Variants in ZNF536 observed in about 807,000 individuals in gnomAD.
ZNF536 encodes the protein zinc finger protein 536.
Under a neutral mutation model 84.5 loss-of-function variants are expected in ZNF536, and 13 were observed. That is an observed-to-expected ratio of 0.15 (90% CI 0.10 to 0.24). ZNF536 has a LOEUF of 0.24. Ranked by LOEUF, ZNF536 falls within the 10% of genes least tolerant of loss-of-function variation. The probability of loss-of-function intolerance (pLI) is 1.00; values close to 1 mark genes in which losing one functional copy is unlikely to be tolerated. For synonymous variants in ZNF536, 811 were observed against 742.5 expected (o/e 1.09, Z -1.50); for missense variants, 1,536 against 1,747.5 (o/e 0.88, Z 2.16).
intron 1 of ZNF536, among the ~76,000 whole-genome samples, chr19:30,397,941 A>G (rs1399895116): frequency 6.6e-6 from 1 of 152,254 alleles, no homozygotes; most frequent in African/African-American, 2.4e-5. Context: ...AGGATGTTAG[A>G]AAGTACAAAC....
At chr19:30,296,866 AC>A (rs2046013241) in intron 2 of ZNF536, among the ~76,000 whole-genome samples, 1 of 152,082 alleles carries the variant, frequency 6.6e-6, no homozygotes, top group South Asian at 2.1e-4. Context: ...CATGGGAGCC[AC>A]CCTCTGTCAC....
intron 1 of ZNF536, among the ~76,000 whole-genome samples, chr19:30,573,970 C>T (rs1367401557): frequency 6.6e-6 from 1 of 152,152 alleles, no homozygotes; most frequent in East Asian, 1.9e-4. Flanking sequence ...TTCCAAAATC[C>T]CAGTTTTTGT....
At chr19:30,392,060 G>A (rs578036137) in intron 1 of ZNF536, among the ~76,000 whole-genome samples, 17 of 152,320 alleles carry the variant, frequency 1.1e-4, no homozygotes, top group African/African-American at 4.1e-4. Context: ...GTTCTCGGAT[G>A]TCCGGAGCTG....
intron 2 of ZNF536, among the ~76,000 whole-genome samples, chr19:30,501,009 G>A (rs929875003): frequency 4.6e-5 from 7 of 152,154 alleles, no homozygotes; most frequent in Non-Finnish European, 7.3e-5. Flanking sequence ...GAGCGAGAAG[G>A]TTTGACCTGT....
intron 2 of ZNF536, among the ~76,000 whole-genome samples, chr19:30,290,205 A>T (rs56682264): frequency 0.23 from 35,394 of 152,140 alleles, 5,024 homozygotes; most frequent in East Asian, 0.54. Context: ...TGACAGAATT[A>T]CCTTCCCTTT....
At chr19:30,559,906 C>T (rs755370375), downstream of ZNF536, among the ~76,000 whole-genome samples, 1 of 152,126 alleles carries the variant, frequency 6.6e-6, no homozygotes, top group Non-Finnish European at 1.5e-5. Context: ...TCCTGAGTTG[C>T]TCCCCGGTGG....
At chr19:30,588,636 C>G (rs1219262574) in intron 1 of ZNF536, among the ~76,000 whole-genome samples, 3 of 152,160 alleles carry the variant, frequency 2.0e-5, no homozygotes, top group Non-Finnish European at 2.9e-5. Context: ...GCCTTTAACA[C>G]CTCTCCAACA....
At chr19:30,263,327 C>G (rs2025325734) in intron 1 of ZNF536, among the ~76,000 whole-genome samples, 1 of 152,102 alleles carries the variant, frequency 6.6e-6, no homozygotes, top group African/African-American at 2.4e-5. Context: ...GATTCTGGAA[C>G]CCGGAGCCCC....
chr19:30,683,498 T>A (rs1209885407), intron 1 of ZNF536, among the ~76,000 whole-genome samples: 3 of 152,222 alleles, frequency 2.0e-5, no homozygotes, highest in South Asian at 2.1e-4. Flanking sequence ...TCTGTTTAAT[T>A]TTTAGTAGCT....
At chr19:30,678,711 G>C (rs945957389) in intron 1 of ZNF536, among the ~76,000 whole-genome samples, 1 of 150,894 alleles carries the variant, frequency 6.6e-6, no homozygotes, top group African/African-American at 2.4e-5. Context: ...ATTCCTCGGA[G>C]CTCCTTGGTA....
At chr19:30,295,660 A>G (rs2045973977) in intron 2 of ZNF536, among the ~76,000 whole-genome samples, 1 of 152,212 alleles carries the variant, frequency 6.6e-6, no homozygotes, top group Non-Finnish European at 1.5e-5. Flanking sequence ...GGACACGCAG[A>G]GCCCTGCCTC....
At chr19:30,711,364 A>C (rs562079596) in exon 2 of ZNF536, 84 of 152,326 alleles carry the variant, frequency 5.5e-4, no homozygotes, top group African/African-American at 2.0e-3. Flanking sequence ...GATACCATCT[A>C]AACGATTTAG....
chr19:30,476,247 G>A (rs149541169), intron 2 of ZNF536, among the ~76,000 whole-genome samples: 56 of 152,220 alleles, frequency 3.7e-4, no homozygotes, highest in African/African-American at 1.2e-3. Flanking sequence ...CCCTGAATTC[G>A]CTCTTACTGA....
intron 3 of ZNF536, among the ~76,000 whole-genome samples, chr19:30,354,094 G>T (rs1486899044): frequency 6.6e-6 from 1 of 152,254 alleles, no homozygotes; most frequent in Non-Finnish European, 1.5e-5. Context: ...ACAGGGTGGA[G>T]ACCGAGGGGG....
intron 1 of ZNF536, among the ~76,000 whole-genome samples, chr19:30,250,004 A>G (rs1486754434): frequency 6.6e-6 from 1 of 152,170 alleles, no homozygotes; most frequent in Non-Finnish European, 1.5e-5. Context: ...CATGTTTTCT[A>G]TTGATTTTTA....
intron 1 of ZNF536, among the ~76,000 whole-genome samples, chr19:30,256,932 TATATC>T (rs2024945850): frequency 1.3e-5 from 2 of 152,234 alleles, no homozygotes; most frequent in Non-Finnish European, 1.5e-5. Context: ...TTTTGGTAAT[TATATC>T]AATCAAGATC....
At chr19:30,431,144 G>A (rs1020838268) in intron 1 of ZNF536, among the ~76,000 whole-genome samples, 6 of 152,164 alleles carry the variant, frequency 3.9e-5, no homozygotes, top group Non-Finnish European at 7.4e-5. Context: ...TGAGACAGCA[G>A]CCCCCAGCAG....
intron 2 of ZNF536, among the ~76,000 whole-genome samples, chr19:30,294,498 A>G (rs1487526306): frequency 2.6e-5 from 4 of 152,018 alleles, no homozygotes; most frequent in Admixed American, 6.6e-5. Context: ...TAAGTATGGC[A>G]TATGTGGGAA....
chr19:30,472,243 T>G (rs1267531188), intron 2 of ZNF536, among the ~76,000 whole-genome samples: 2 of 152,092 alleles, frequency 1.3e-5, no homozygotes, highest in Non-Finnish European at 2.9e-5. Context: ...TTTGCCTTGG[T>G]AAGTTAAAAT....
Sources: gnomAD v4.1 joint callset for allele counts (sites outside exome capture counted in the v4.1 genomes callset) on GRCh38, gnomAD v4.1.1 for gene constraint, MANE v1.5 for transcripts, NCBI Gene and HGNC (gene_info 2026-07-23, HGNC 2026-07-21) for gene names.